AGBL1: variants seen among roughly 807,000 people sequenced by gnomAD.
AGBL1 encodes the protein AGBL carboxypeptidase 1.
AGBL1 carries 130 observed loss-of-function variants against 118.9 expected under a neutral mutation model. That is an observed-to-expected ratio of 1.09 (90% CI 0.95 to 1.26). AGBL1 has a LOEUF of 1.26. AGBL1 is among the 50% of genes most tolerant of loss of function. AGBL1 has a pLI of 0.00. For missense variants in AGBL1, 1,584 were observed against 1,298.1 expected (o/e 1.22, Z -3.38); for synonymous variants, 555 against 478.9 (o/e 1.16, Z -2.08).
chr15:86,540,183 T>G (rs193162888), intron 19 of AGBL1, among the ~76,000 whole-genome samples: 1 of 152,280 alleles, frequency 6.6e-6, no homozygotes, highest in African/African-American at 2.4e-5. Flanking sequence ...AATTAACTAT[T>G]GTTGCTATTA....
chr15:86,676,184 A>C (rs751443793), intron 22 of AGBL1, among the ~76,000 whole-genome samples: 5 of 152,166 alleles, frequency 3.3e-5, no homozygotes, highest in Non-Finnish European at 5.9e-5. Flanking sequence ...GATGTGATTA[A>C]TATGTCTACT....
At position 86,381,204 on chromosome 15, in the gene AGBL1, A is replaced by G. The variant is rs1235038992; in HGVS notation, c.2375-16162A>G. Among the ~76,000 whole-genome samples the G allele has an allele frequency of 2.0e-5, 3 of 152,190 alleles. No homozygotes were observed. The East Asian group carries it at 5.8e-4, about 29-fold the overall frequency. On this transcript the variant is annotated intron_variant, in intron 17 of 22. Coordinates refer to ENST00000614907, the MANE Select transcript of AGBL1 (RefSeq NM_001386094.1). Reference sequence around the variant, plus strand: ...TTTGGCTATGGATGATATTTAATTTATGAGTGACTCTTTTGCCATCATTGT... The same window carrying G: ...TTTGGCTATGGATGATATTTAATTTGTGAGTGACTCTTTTGCCATCATTGT...
At chr15:86,163,045 T>C (rs1375229707) in intron 5 of AGBL1, among the ~76,000 whole-genome samples, 2 of 152,250 alleles carry the variant, frequency 1.3e-5, no homozygotes, top group African/African-American at 4.8e-5. Flanking sequence ...TTCTCCTCCC[T>C]AAATTCTGTA....
chr15:86,173,496 C>A (rs2077441788), intron 5 of AGBL1, among the ~76,000 whole-genome samples: 1 of 152,002 alleles, frequency 6.6e-6, no homozygotes, highest in African/African-American at 2.4e-5. Context: ...CTTTTGAGAT[C>A]TTAGCCATAA....
At position 86,256,858 on chromosome 15, in the gene AGBL1, C is replaced by T. The variant is rs1213004118; in HGVS notation, c.741C>T (p.Cys247=). Residue 247 remains cysteine (C), a synonymous_variant, in exon 8 of 23, where the codon TGC becomes TGT. Transcript: ENST00000614907. ...MEILFSTTQN[C]LDDKSMEPVI... is the part of the protein sequence containing the mutation. ...ATAATCTTCCCTTTGCTCAGAACTG[C>T]CTGGATGACAAGAGCATGGAGCCCG... The T allele has an allele frequency of 6.2e-7, 1 of 1,613,782 alleles. No homozygotes were observed. Among genetic ancestry groups the T allele is most frequent in the Non-Finnish European group, 8.5e-7 (1 of 1,179,826 alleles).
At chr15:86,433,185 C>A (rs772641084) in intron 18 of AGBL1, among the ~76,000 whole-genome samples, 1 of 150,610 alleles carries the variant, frequency 6.6e-6, no homozygotes, top group Non-Finnish European at 1.5e-5. Flanking sequence ...TGAATAAATT[C>A]CTAGAAGAAG....
intron 16 of AGBL1, among the ~76,000 whole-genome samples, chr15:86,280,978 C>T (rs1340514331): frequency 6.6e-6 from 1 of 152,218 alleles, no homozygotes; most frequent in Non-Finnish European, 1.5e-5. Context: ...CTGTAACAAG[C>T]CACATTTGTT....
intron 17 of AGBL1, among the ~76,000 whole-genome samples, chr15:86,343,329 G>T (rs1046364962): frequency 3.3e-5 from 5 of 151,616 alleles, no homozygotes; most frequent in Non-Finnish European, 7.4e-5. Context: ...CCCCTTAAGA[G>T]TCCAGCTTTT....
chr15:86,470,773 GT>G (rs920618066), intron 18 of AGBL1, among the ~76,000 whole-genome samples: 4 of 151,726 alleles, frequency 2.6e-5, no homozygotes, highest in East Asian at 1.9e-4. Context: ...ATTTCTAAGT[GT>G]TTTTTTAATG....
At chr15:86,300,531 A>G (rs1402674628) in intron 17 of AGBL1, among the ~76,000 whole-genome samples, 1 of 152,180 alleles carries the variant, frequency 6.6e-6, no homozygotes, top group Non-Finnish European at 1.5e-5. Flanking sequence ...TTCACTGGTG[A>G]GAAGTCAAGA....
intron 17 of AGBL1, among the ~76,000 whole-genome samples, chr15:86,322,954 A>G (rs557463218): frequency 1.4e-3 from 213 of 152,274 alleles, no homozygotes; most frequent in African/African-American, 4.9e-3. Flanking sequence ...GCAGTGGTCT[A>G]TTAAATTTTC....
At chr15:86,421,968 A>T (rs972689348) in intron 18 of AGBL1, among the ~76,000 whole-genome samples, 5 of 152,200 alleles carry the variant, frequency 3.3e-5, no homozygotes, top group Non-Finnish European at 5.9e-5. Flanking sequence ...TTAGAGACCT[A>T]CAAAGAGACT....
chr15:86,123,096 C>G (rs915798189), intron 1 of AGBL1, among the ~76,000 whole-genome samples: 2 of 152,154 alleles, frequency 1.3e-5, no homozygotes, highest in African/African-American at 4.8e-5. Flanking sequence ...AATCTCTATT[C>G]CTTTCTAGAT....
chr15:86,741,831 C>T (rs759451667), intron 22 of AGBL1, among the ~76,000 whole-genome samples: 36 of 152,004 alleles, frequency 2.4e-4, no homozygotes, highest in Non-Finnish European at 4.0e-4. Context: ...AAGGACAATG[C>T]TTACATTTAA....
chr15:86,580,482 T>C (rs562688982), intron 21 of AGBL1, among the ~76,000 whole-genome samples: 1 of 145,100 alleles, frequency 6.9e-6, no homozygotes, highest in Admixed American at 7.4e-5. Context: ...TATTTTGGTA[T>C]TTTTTTCTAG....
intron 18 of AGBL1, among the ~76,000 whole-genome samples, chr15:86,433,092 C>T (rs1394529454): frequency 1.3e-5 from 2 of 152,088 alleles, no homozygotes; most frequent in Non-Finnish European, 2.9e-5. Flanking sequence ...TAGGCCGGAG[C>T]AGGGTGGATG....
rs187672593 is a variant in AGBL1 at position 86,399,226 on chromosome 15, A to G, written c.2555+1680A>G. 6.1e-3 allele frequency among the ~76,000 whole-genome samples: 932 copies of G among 152,008 alleles called. 8 individuals carry two copies. Among genetic ancestry groups the G allele is most frequent in the African/African-American group, 0.022 (893 of 41,448 alleles). On this transcript the variant is annotated intron_variant, in intron 18 of 22. Transcript: ENST00000614907. ...CTCCTGGTCAAACAGAACTCAGCCGACTCTTGCTATGTGTTCCTTTAATGG... is the reference window on the plus strand; with the variant it reads ...CTCCTGGTCAAACAGAACTCAGCCGGCTCTTGCTATGTGTTCCTTTAATGG...
intron 21 of AGBL1, among the ~76,000 whole-genome samples, chr15:86,570,154 A>T (rs191015154): frequency 1.3e-5 from 2 of 152,168 alleles, no homozygotes; most frequent in Non-Finnish European, 2.9e-5. Flanking sequence ...GGATATGAAG[A>T]GTTGTCATGG....
intron 21 of AGBL1, among the ~76,000 whole-genome samples, chr15:86,597,132 T>TATCTATCC (rs1555429308): frequency 1.4e-5 from 2 of 147,504 alleles, no homozygotes; most frequent in Non-Finnish European, 3.0e-5. Flanking sequence ...AATCTACCTA[T>TATCTATCC]ATCCATCCAT....
Sources: allele counts gnomAD v4.1 joint callset (sites outside exome capture counted in the v4.1 genomes callset), GRCh38; gene constraint gnomAD v4.1.1; transcripts MANE v1.5; gene names NCBI Gene and HGNC (gene_info 2026-07-23, HGNC 2026-07-21).